The following BNC2 variants were observed in gnomAD, a reference collection of about 807,000 sequenced individuals.
BNC2 encodes the protein basonuclin zinc finger protein 2, also known as zinc finger protein basonuclin-2.
Under a neutral mutation model 76.3 loss-of-function variants are expected in BNC2, and 20 were observed. The ratio of observed to expected loss-of-function variants is 0.26; its 90% CI spans 0.18 to 0.38. The LOEUF is 0.38. BNC2 is among the 10% of genes least tolerant of loss of function. BNC2 has a pLI of 1.00. For missense variants in BNC2, 1,382 were observed against 1,399.8 expected (o/e 0.99, Z 0.20); for synonymous variants, 582 against 514.8 (o/e 1.13, Z -1.77).
At chr9:16,558,329 G>C (rs1818901996) in intron 4 of BNC2, among the ~76,000 whole-genome samples, 1 of 152,146 alleles carries the variant, frequency 6.6e-6, no homozygotes, top group Non-Finnish European at 1.5e-5. Flanking sequence ...CTCTAAATTT[G>C]TACCTAATGA....
chr9:16,525,081 G>GA (rs1203074795), intron 5 of BNC2, among the ~76,000 whole-genome samples: 1 of 145,398 alleles, frequency 6.9e-6, no homozygotes, highest in Non-Finnish European at 1.5e-5. Context: ...GGGGGAGGGG[G>GA]GGGGAAGGAG....
intron 1 of BNC2, among the ~76,000 whole-genome samples, chr9:16,773,796 A>T (rs1825891598): frequency 6.6e-6 from 1 of 152,002 alleles, no homozygotes; most frequent in African/African-American, 2.4e-5. Context: ...ATGCCAAATG[A>T]CCTCTACAAA....
At chr9:16,453,275 T>C (rs1821380264) in intron 5 of BNC2, among the ~76,000 whole-genome samples, 1 of 152,188 alleles carries the variant, frequency 6.6e-6, no homozygotes, top group Non-Finnish European at 1.5e-5. Flanking sequence ...AGTTGTCTAA[T>C]ATCATGAAGT....
intron 1 of BNC2, among the ~76,000 whole-genome samples, chr9:16,757,817 A>G (rs1395658319): frequency 6.6e-6 from 1 of 152,006 alleles, no homozygotes; most frequent in East Asian, 1.9e-4. Context: ...ATAAAGTCTT[A>G]TAAATTACAA....
At chr9:16,715,994 G>GT (rs1448492085) in intron 3 of BNC2, among the ~76,000 whole-genome samples, 1 of 152,172 alleles carries the variant, frequency 6.6e-6, no homozygotes, top group Non-Finnish European at 1.5e-5. Flanking sequence ...ATAATTAAAT[G>GT]TTTTTTAAAA....
chr9:16,726,968 G>A (rs1051504026), intron 3 of BNC2: 4 of 152,260 alleles, frequency 2.6e-5, no homozygotes, highest in African/African-American at 9.6e-5. Context: ...ACGAGCCGCC[G>A]GCTCCGGTGA....
intron 1 of BNC2, among the ~76,000 whole-genome samples, chr9:16,765,980 G>C (rs946946607): frequency 5.3e-5 from 8 of 151,944 alleles, no homozygotes; most frequent in African/African-American, 1.7e-4. Flanking sequence ...GTAGAGACGG[G>C]ATTTCACCGT....
chr9:16,425,584 G>A (rs374849729), intron 6 of BNC2, among the ~76,000 whole-genome samples: 6 of 152,258 alleles, frequency 3.9e-5, no homozygotes, highest in East Asian at 3.9e-4. Context: ...TGACGTGAAC[G>A]AAATCACCAA....
intron 1 of BNC2, among the ~76,000 whole-genome samples, chr9:16,769,616 G>T (rs1428938792): frequency 6.6e-6 from 1 of 152,148 alleles, no homozygotes; most frequent in Non-Finnish European, 1.5e-5. Flanking sequence ...ACCAGGCTTG[G>T]ATCTAAAAAT....
intron 3 of BNC2, among the ~76,000 whole-genome samples, chr9:16,668,209 A>G (rs1171022518): frequency 1.3e-5 from 2 of 152,200 alleles, no homozygotes; most frequent in Admixed American, 6.5e-5. Flanking sequence ...GCTAGTCTGG[A>G]AGAGATCCTC....
At chr9:16,779,130 A>AAAAAAAAAAAAG (rs556932807) in intron 1 of BNC2, among the ~76,000 whole-genome samples, 52 of 87,386 alleles carry the variant, frequency 6.0e-4, no homozygotes, top group Non-Finnish European at 9.0e-4. Context: ...AAAAAAAAAA[A>AAAAAAAAAAAAG]AAAAGAAAAG....
At chr9:16,645,466 T>G (rs1292359028) in intron 3 of BNC2, among the ~76,000 whole-genome samples, 1 of 152,226 alleles carries the variant, frequency 6.6e-6, no homozygotes, top group Non-Finnish European at 1.5e-5. Flanking sequence ...TATATTACAC[T>G]GGATATTTTA....
chr9:16,817,095 A>G (rs996992757), intron 1 of BNC2, among the ~76,000 whole-genome samples: 1 of 152,210 alleles, frequency 6.6e-6, no homozygotes, highest in African/African-American at 2.4e-5. Flanking sequence ...TCAAAATTAC[A>G]TAGGCAGAAC....
chr9:16,431,198 A>G (rs1256169322), intron 6 of BNC2, among the ~76,000 whole-genome samples: 1 of 152,250 alleles, frequency 6.6e-6, no homozygotes, highest in Non-Finnish European at 1.5e-5. Context: ...TAAGACAAAT[A>G]TAAATAGATT....
At chr9:16,654,041 C>G (rs1229871552) in intron 3 of BNC2, among the ~76,000 whole-genome samples, 1 of 152,162 alleles carries the variant, frequency 6.6e-6, no homozygotes. Flanking sequence ...ATCACACCTA[C>G]AAGCGCAGTC....
intron 6 of BNC2, among the ~76,000 whole-genome samples, chr9:16,431,231 G>A (rs1459156784): frequency 2.0e-5 from 3 of 152,124 alleles, no homozygotes; most frequent in Non-Finnish European, 4.4e-5. Context: ...CCAATGATAA[G>A]AAATATTAGG....
chr9:16,709,584 G>C (rs562681063), intron 3 of BNC2, among the ~76,000 whole-genome samples: 1 of 152,182 alleles, frequency 6.6e-6, no homozygotes, highest in Non-Finnish European at 1.5e-5. Flanking sequence ...AGCCTCATTA[G>C]AGGGACTATT....
At chr9:16,728,595 A>C (rs1410106664) in intron 2 of BNC2, among the ~76,000 whole-genome samples, 1 of 151,784 alleles carries the variant, frequency 6.6e-6, no homozygotes, top group Non-Finnish European at 1.5e-5. Flanking sequence ...GAGAATGTAA[A>C]GTTGGCTCAG....
At position 16,785,577 on chromosome 9, in the gene BNC2, T is replaced by C. The variant is rs942879743; in HGVS notation, c.4-47092A>G. Reference sequence around the variant, plus strand: ...ACCCGGCTTTTTTTTTTTTTTTTTTTAGTAGAGGTGAGGTTTCACCATGTT... The same window carrying C: ...ACCCGGCTTTTTTTTTTTTTTTTTTCAGTAGAGGTGAGGTTTCACCATGTT... On this transcript the variant is annotated intron_variant, in intron 1 of 6. Coordinates refer to ENST00000380672, the MANE Select transcript of BNC2 (RefSeq NM_017637.6). Among the ~76,000 whole-genome samples, 185 of 99,854 alleles carry C rather than the reference T, an allele frequency of 1.9e-3. 1 individual carries two copies. Among genetic ancestry groups the C allele is most frequent in the African/African-American group, 7.0e-3 (176 of 25,272 alleles). The allele number at this position is 99,854 out of a possible 152,430, so 65.5% of individuals were successfully genotyped here.
Sources: gnomAD v4.1 joint callset for allele counts (sites outside exome capture counted in the v4.1 genomes callset) on GRCh38, gnomAD v4.1.1 for gene constraint, MANE v1.5 for transcripts, NCBI Gene and HGNC (gene_info 2026-07-23, HGNC 2026-07-21) for gene names.